AFAP1L2: variants seen among roughly 807,000 people sequenced by gnomAD.
AFAP1L2 encodes actin filament-associated protein 1-like 2.
AFAP1L2 carries 46 observed loss-of-function variants against 99.3 expected under a neutral mutation model. The observed-to-expected ratio is 0.46, with a 90% CI of 0.37 to 0.59. The LOEUF (loss-of-function observed/expected upper bound fraction) is 0.59, where lower values mean the gene tolerates loss of function less well. Ranked by LOEUF, AFAP1L2 falls within the 20% of genes least tolerant of loss-of-function variation. AFAP1L2 has a pLI of 0.00. For missense variants in AFAP1L2, 959 were observed against 1,034.9 expected (o/e 0.93, Z 1.01); for synonymous variants, 397 against 419.1 (o/e 0.95, Z 0.64).
chr10:114,368,596 G>A (rs2053617283), intron 1 of AFAP1L2, among the ~76,000 whole-genome samples: 1 of 152,058 alleles, frequency 6.6e-6, no homozygotes, highest in Non-Finnish European at 1.5e-5. Context: ...TGTATTTTCT[G>A]TAGAGATGGG....
intron 1 of AFAP1L2, among the ~76,000 whole-genome samples, chr10:114,390,126 G>A (rs915771629): frequency 6.6e-6 from 1 of 152,208 alleles, no homozygotes; most frequent in Non-Finnish European, 1.5e-5. Context: ...TTGAATGACT[G>A]TAAATGCTAT....
downstream of AFAP1L2, among the ~76,000 whole-genome samples, chr10:114,292,102 G>A (rs2039656740): frequency 6.6e-6 from 1 of 152,064 alleles, no homozygotes; most frequent in African/African-American, 2.4e-5. Flanking sequence ...CGTGGTGAAA[G>A]TTTGTCTTTA....
intron 7 of AFAP1L2, among the ~76,000 whole-genome samples, chr10:114,312,268 TGTGTGTG>T (rs2043369437): frequency 1.5e-5 from 2 of 131,310 alleles, no homozygotes; most frequent in African/African-American, 6.6e-5. Flanking sequence ...TGTGTGTGTG[TGTGTGTG>T]TGTGTGTACA....
upstream of AFAP1L2, chr10:114,404,742 C>A: frequency 3.0e-6 from 1 of 337,156 alleles, no homozygotes; most frequent in East Asian, 4.8e-5. Flanking sequence ...TCGCCGCCCC[C>A]GGCCGCCTTG....
chr10:114,382,811 T>C (rs2055873404), intron 1 of AFAP1L2, among the ~76,000 whole-genome samples: 1 of 152,070 alleles, frequency 6.6e-6, no homozygotes, highest in South Asian at 2.1e-4. Flanking sequence ...GTTAGGCTGG[T>C]CTCAAACTCC....
chr10:114,358,829 C>T (rs945313980), intron 1 of AFAP1L2, among the ~76,000 whole-genome samples: 11 of 152,142 alleles, frequency 7.2e-5, no homozygotes, highest in East Asian at 1.9e-4. Flanking sequence ...GCAGGAGAAT[C>T]GCTTGAACCC....
In AFAP1L2 at chr10:114,300,699, G is replaced by A. The variant is rs775833019; in HGVS notation, c.1543-9C>T. 7 of 1,578,500 alleles carry A rather than the reference G, an allele frequency of 4.4e-6. No homozygotes were observed. Among genetic ancestry groups the A allele is most frequent in the Non-Finnish European group, 6.0e-6 (7 of 1,161,012 alleles). ...TCCTCGGTAGGCTCCACCTGCAGGA[G>A]AGAGTGAGTCTGGGGCATTCAACAT... On this transcript the variant is annotated splice_polypyrimidine_tract_variant and intron_variant, in intron 13 of 18. Transcript: ENST00000304129.
chr10:114,299,301 T>A lies in AFAP1L2; in HGVS notation c.2072A>T (p.Lys691Ile), dbSNP rs761397343. Residue 691 changes from lysine to isoleucine, a missense_variant, in exon 16 of 19, where the codon AAA (lysine) becomes ATA (isoleucine). Physicochemically the swap from Lys to Ile is moderately radical, Grantham distance 102. This residue lies in a region of AFAP1L2 where 576 missense variants were observed against 562.1 expected (regional missense o/e 1.02). Coordinates refer to ENST00000304129, the MANE Select transcript of AFAP1L2 (RefSeq NM_001001936.3). ...EIRGHLAQLR[K>I]EKRELKETLL... ...GGTTTCCTTTAGCTCCCGTTTCTCT[T>A]TCCGGAGCTGAGCCAGGTGCCCCCG... The A allele has an allele frequency of 1.9e-6, 3 of 1,614,148 alleles. No homozygotes were observed. The South Asian group carries it at 3.3e-5, about 18-fold the overall frequency.
intron 1 of AFAP1L2, among the ~76,000 whole-genome samples, chr10:114,351,504 T>C (rs1408176690): frequency 2.0e-5 from 3 of 152,208 alleles, no homozygotes; most frequent in African/African-American, 7.2e-5. Flanking sequence ...TCCAGGCCCC[T>C]GCCTCCAAGC....
intron 7 of AFAP1L2, 22 bp downstream of exon 7, chr10:114,313,849 A>C (rs773765981): frequency 2.5e-6 from 4 of 1,576,018 alleles, no homozygotes; most frequent in Non-Finnish European, 3.5e-6. Flanking sequence ...AACCCCTCCA[A>C]GTGGCTCGGT....
rs545662990 is a variant in AFAP1L2 at position 114,351,010 on chromosome 10, C to T, written c.17-10279G>A. 2.1e-3 allele frequency among the ~76,000 whole-genome samples: 324 copies of T among 152,242 alleles called. 2 individuals carry two copies. Among genetic ancestry groups the T allele is most frequent in the African/African-American group, 7.5e-3 (313 of 41,514 alleles). On this transcript the variant is annotated intron_variant, in intron 1 of 18. Coordinates refer to ENST00000304129, the MANE Select transcript of AFAP1L2 (RefSeq NM_001001936.3). ...TCAGAGCCAGCGGGGGCCAGTTATG[C>T]GGGTGGGAGGCACAAAGGTTTGCCT...
intron 1 of AFAP1L2, among the ~76,000 whole-genome samples, chr10:114,390,040 G>A (rs746553849): frequency 5.3e-5 from 8 of 152,084 alleles, no homozygotes; most frequent in African/African-American, 1.4e-4. Context: ...TTCTCCTCCC[G>A]CAACAACGAT....
chr10:114,283,261 GGCAGCGAGCAGTTAGACACA>G, the AFAP1L2 span, among the ~76,000 whole-genome samples: 1 of 151,996 alleles, frequency 6.6e-6, no homozygotes, highest in African/African-American at 2.4e-5. Flanking sequence ...ACACAGGCAG[GGCAGCGAGCAGTTAGACACA>G]CAGGCAGGCA....
intron 1 of AFAP1L2, among the ~76,000 whole-genome samples, chr10:114,365,364 A>T (rs1046251006): frequency 1.3e-5 from 2 of 152,166 alleles, no homozygotes; most frequent in Non-Finnish European, 2.9e-5. Context: ...GGAAATATAA[A>T]TGAGGCACCA....
the AFAP1L2 span, chr10:114,286,018 C>T: frequency 1.2e-6 from 2 of 1,614,156 alleles, no homozygotes; most frequent in Non-Finnish European, 1.7e-6. Context: ...TGGACGGCTT[C>T]CTGCGGGCCA....
intron 1 of AFAP1L2, among the ~76,000 whole-genome samples, chr10:114,354,732 AT>A (rs1417389530): frequency 6.6e-6 from 1 of 152,234 alleles, no homozygotes; most frequent in African/African-American, 2.4e-5. Flanking sequence ...CAGTCTAACG[AT>A]TAAGCCAGTG....
In AFAP1L2 at chr10:114,296,151, G is replaced by GA. The variant is rs141187585; in HGVS notation, c.2431-84dup. 5.7e-3 allele frequency: 8,956 copies of GA among 1,573,338 alleles called. 460 individuals are homozygous for GA. The African/African-American group carries it at 0.1, about 18-fold the overall frequency. The stretch of plus-strand genomic sequence containing the variant: ...CACTGTAGCAACCTTGATATACATA[G>GA]AAAAAATGTGAGAAAAACTATTTTA... On this transcript the variant is annotated intron_variant, in intron 18 of 18. Transcript: ENST00000304129.
At chr10:114,341,866 T>C (rs534726609) in intron 1 of AFAP1L2, among the ~76,000 whole-genome samples, 2 of 152,062 alleles carry the variant, frequency 1.3e-5, no homozygotes, top group Non-Finnish European at 2.9e-5. Flanking sequence ...ACCTCAATTC[T>C]TGCCTCCTCA....
intron 1 of AFAP1L2, among the ~76,000 whole-genome samples, chr10:114,386,860 A>G (rs1279944696): frequency 6.6e-6 from 1 of 152,200 alleles, no homozygotes; most frequent in African/African-American, 2.4e-5. Context: ...ACTGGCCTCC[A>G]TGCTTCGCAA....
Sources: allele counts gnomAD v4.1 joint callset (sites outside exome capture counted in the v4.1 genomes callset), GRCh38; gene constraint gnomAD v4.1.1; regional missense constraint gnomAD v4.1.1; transcripts MANE v1.5; gene names NCBI Gene and HGNC (gene_info 2026-07-23, HGNC 2026-07-21).